KBTBD4: variants seen among roughly 807,000 people sequenced by gnomAD.
KBTBD4 encodes kelch repeat and BTB domain containing 4.
A neutral mutation model predicts 43.9 loss-of-function variants in KBTBD4; 30 were observed. The ratio of observed to expected loss-of-function variants is 0.68; its 90% confidence interval spans 0.51 to 0.93. The LOEUF (loss-of-function observed/expected upper bound fraction) is 0.93, where lower values mean the gene tolerates loss of function less well. Among genes scored for constraint, KBTBD4 ranks in the 40% least tolerant of loss-of-function variants. The pLI is 0.00. For synonymous variants in KBTBD4, 258 were observed against 256.9 expected (o/e 1.00, Z -0.04); for missense variants, 575 against 668.8 (o/e 0.86, Z 1.55).
chr11:47,578,748 C>T (rs866691738), intron 1 of KBTBD4, 185 bp downstream of exon 1: 1 of 1,484,376 alleles, frequency 6.7e-7, no homozygotes, highest in South Asian at 1.3e-5. Context: ...CGCCCGCCCT[C>T]GTCAAAAGCT....
In KBTBD4 at chr11:47,572,328, A is replaced by C. The variant is rs1204974890; in HGVS notation, c.*602T>G. On this transcript the variant is annotated 3_prime_UTR_variant, in exon 4 of 4. Transcript: ENST00000430070. The stretch of plus-strand genomic sequence containing the variant: ...CTATTAATCAGAAATAATCATTTCT[A>C]TTTTCTGGCTTACCCCTTGGAATAA... 6.5e-6 allele frequency: 1 copy of C among 152,934 alleles called. No individual in the cohort carries two copies. Among genetic ancestry groups the C allele is most frequent in the Admixed American group, 6.5e-5 (1 of 15,304 alleles). 9.5% of individuals were successfully genotyped at this position (152,934 alleles called of 1,614,324 possible). A position where few individuals can be genotyped will look rare whatever the true frequency, so the allele number is the denominator to read the frequency against.
chr11:47,577,620 A>C lies in KBTBD4; in HGVS notation c.428T>G (p.Leu143Arg), dbSNP rs1297961008. The C allele has an allele frequency of 1.2e-6, 2 of 1,614,100 alleles. No individual in the cohort carries two copies. The highest frequency in any genetic ancestry group is 3.3e-5 in the Admixed American group (2 of 60,004). ...AGAGCATTCCTCAAAGAGAGATGTC[A>C]GCTGATACATGTCTGACACCTCATA... ...EIYEVSDMYQLTSLFEECSRF... is the reference protein window; with the variant it reads ...EIYEVSDMYQRTSLFEECSRF... The change falls in exon 2 of 4, where the codon CTG becomes CGG. Residue 143 changes from leucine to arginine, a missense_variant. Coordinates refer to ENST00000430070, the MANE Select transcript of KBTBD4 (RefSeq NM_018095.6).
rs773358143 is a variant in KBTBD4, at chr11:47,572,922, C to T, written c.*8G>A. ...GGAGTGAGCAGTTCTCCTCCCCTCC[C>T]CACAGCCTTAGGCCAACACAAACTG... On this transcript the variant is annotated 3_prime_UTR_variant, in exon 4 of 4. Transcript: ENST00000430070. The T allele has an allele frequency of 8.7e-6, 14 of 1,605,730 alleles. No homozygotes were observed. The highest frequency in any genetic ancestry group is 3.3e-4 in the Middle Eastern group (2 of 6,020).
At chr11:47,578,818 C>A in intron 1 of KBTBD4, 115 bp downstream of exon 1, 1 of 1,540,852 alleles carries the variant, frequency 6.5e-7, no homozygotes, top group Non-Finnish European at 8.8e-7. Flanking sequence ...GCCCCCTCCC[C>A]TCCTCTCACC....
intron 3 of KBTBD4, among the ~76,000 whole-genome samples, chr11:47,575,325 G>A (rs1029350654): frequency 3.3e-5 from 5 of 151,664 alleles, no homozygotes; most frequent in African/African-American, 9.7e-5. Flanking sequence ...TGGCTAACAC[G>A]ATGAAACCCT....
In KBTBD4 at chr11:47,575,685, A is replaced by G. The variant is rs2097257868; in HGVS notation, c.652T>C (p.Ser218Pro). The G allele has an allele frequency of 6.2e-7, 1 of 1,606,634 alleles. No homozygotes were observed. The highest frequency in any genetic ancestry group is 8.5e-7 in the Non-Finnish European group (1 of 1,176,372). ...TCTATTGCCTCTGTTGGGTTCTGAGAACACGGAACTCCATCTGTGAGAGCC... is the reference window on the plus strand; with the variant it reads ...TCTATTGCCTCTGTTGGGTTCTGAGGACACGGAACTCCATCTGTGAGAGCC... ...TDIISDGVPC[S>P]QNPTEAIEAW... The change falls in exon 3 of 4, where the codon TCT (serine) becomes CCT (proline). Residue 218 changes from serine to proline, a missense_variant. By Grantham distance (74) the Ser-to-Pro change is moderately conservative (BLOSUM62 -1). Coordinates refer to ENST00000430070, the MANE Select transcript of KBTBD4 (RefSeq NM_018095.6).
rs2097254635 is a variant in KBTBD4, at chr11:47,573,919, T to C, written c.745-129A>G. ...TTATCATACTACTCTCTAATTACTG[T>C]ATGGCATCCAACTCTCCTCTAGTCA... is the stretch of plus-strand genomic sequence containing the variant. On this transcript the variant is annotated intron_variant, in intron 3 of 3. Coordinates refer to ENST00000430070, the MANE Select transcript of KBTBD4 (RefSeq NM_018095.6). This position sits in a 1 kb window ranked among gnomAD's most constrained non-coding sequence, Gnocchi z 4.1. The C allele has an allele frequency of 1.2e-6, 1 of 834,874 alleles. No individual in the cohort carries two copies. The highest frequency in any genetic ancestry group is 1.9e-6 in the Non-Finnish European group (1 of 540,412). 51.7% of individuals were successfully genotyped at this position (834,874 alleles called of 1,614,324 possible).
At chr11:47,577,362 A>T (rs1598797260) in intron 2 of KBTBD4, 49 bp downstream of exon 2, 1 of 1,525,906 alleles carries the variant, frequency 6.6e-7, no homozygotes, top group East Asian at 2.3e-5. Flanking sequence ...CATTCACTGA[A>T]CATCATAGCC....
At position 47,575,668 on chromosome 11, in the gene KBTBD4, C is replaced by G. The variant is rs770900802; in HGVS notation, c.669G>C (p.Glu223Asp). Residue 223 changes from glutamate (E) to aspartate (D), a missense_variant, in exon 3 of 4, where the codon GAG (glutamate) becomes GAC (aspartate). Coordinates refer to ENST00000430070, the MANE Select transcript of KBTBD4 (RefSeq NM_018095.6). Reference protein sequence around the residue: ...DGVPCSQNPTEAIEAWINFNK... With the variant: ...DGVPCSQNPTDAIEAWINFNK... ...TAAAGTTGATCCAGGCTTCTATTGC[C>G]TCTGTTGGGTTCTGAGAACACGGAA... 39 of 1,613,116 alleles carry G rather than the reference C, an allele frequency of 2.4e-5. No individual in the cohort carries two copies. The South Asian group carries it at 3.5e-4, about 15-fold the overall frequency.
chr11:47,576,892 G>A (rs1178077102), intron 2 of KBTBD4, among the ~76,000 whole-genome samples: 1 of 151,920 alleles, frequency 6.6e-6, no homozygotes, highest in East Asian at 1.9e-4. Flanking sequence ...GGCCAGGGTG[G>A]TCTTGAACTC....
chr11:47,573,982 T>C lies in KBTBD4; in HGVS notation c.745-192A>G, dbSNP rs2097254758. ...CAATTTATGCCGGGCGGAGAATCTG[T>C]TGTATTCATCCTTGTAGCTTTTAAA... On this transcript the variant is annotated intron_variant, in intron 3 of 3. Coordinates refer to ENST00000430070, the MANE Select transcript of KBTBD4 (RefSeq NM_018095.6). The surrounding 1 kb of genome is among the most constrained non-coding windows in gnomAD (Gnocchi z 4.1). 6.6e-6 allele frequency among the ~76,000 whole-genome samples: 1 copy of C among 152,114 alleles called. No homozygotes were observed. Among genetic ancestry groups the C allele is most frequent in the South Asian group, 2.1e-4 (1 of 4,826 alleles).
intron 1 of KBTBD4, chr11:47,578,644 C>A (rs1328184159): frequency 3.7e-6 from 3 of 800,872 alleles, no homozygotes; most frequent in African/African-American, 3.4e-5. Context: ...CAGGCCGGGG[C>A]ACTGGGAGGC....
intron 1 of KBTBD4, chr11:47,578,578 C>T (rs1175253658): frequency 2.8e-6 from 2 of 705,238 alleles, no homozygotes; most frequent in South Asian, 1.5e-5. Context: ...CACACTTCCC[C>T]GCTCGCTCGA....
chr11:47,577,119 T>TA (rs2097261120), intron 2 of KBTBD4, among the ~76,000 whole-genome samples: 1 of 152,214 alleles, frequency 6.6e-6, no homozygotes, highest in African/African-American at 2.4e-5. Context: ...CACTGGGACA[T>TA]ACGAAGTACA....
chr11:47,578,366 C>T, intron 1 of KBTBD4: 2 of 560,360 alleles, frequency 3.6e-6, no homozygotes, highest in South Asian at 2.4e-5. Flanking sequence ...GGCCTGTGAT[C>T]GTAAAAGCCT....
chr11:47,573,517 C>T lies in KBTBD4; in HGVS notation c.1018G>A (p.Val340Met). The T allele has an allele frequency of 6.2e-7, 1 of 1,614,164 alleles. No homozygotes were observed. Residue 340 changes from valine (V) to methionine (M), a missense_variant, in exon 4 of 4, where the codon GTG becomes ATG. Val to Met is a conservative substitution (Grantham distance 21, BLOSUM62 1). Transcript: ENST00000430070. The surrounding 1 kb of genome is among the most constrained non-coding windows in gnomAD (Gnocchi z 4.1). The stretch of plus-strand genomic sequence containing the variant: ...ATGGCATCTTTCCCGGGCACAGACA[C>T]CAGGGTGTGCTGGAGCCGGTCCCGA... ...LPRDRLQHTL[V>M]SVPGKDAIYS...
intron 1 of KBTBD4, chr11:47,578,432 G>C: frequency 1.8e-6 from 1 of 567,782 alleles, no homozygotes. Context: ...AGTAGAATCA[G>C]ACAAAAAGGA....
chr11:47,574,479 G>A (rs768228598), intron 3 of KBTBD4, among the ~76,000 whole-genome samples: 2 of 151,656 alleles, frequency 1.3e-5, no homozygotes, highest in Admixed American at 6.6e-5. Context: ...CCTGGGAGAC[G>A]GAGTAAGACT....
Position 47,577,906 on chromosome 11 carries a change from G to C in KBTBD4, c.142C>G (p.Gln48Glu), listed in dbSNP as rs763081469. Residue 48 changes from glutamine to glutamate, a missense_variant, in exon 2 of 4, where the codon CAA becomes GAA. Coordinates refer to ENST00000430070, the MANE Select transcript of KBTBD4 (RefSeq NM_018095.6). ...TCTAGACACAGTTTCATGATGCCTT[G>C]AGCCACACGGCCTGAATGTGACCGA... ...KDRSHSGRVA[Q>E]GIMKLCLEEE... 1 of 1,614,182 alleles carries C rather than the reference G, an allele frequency of 6.2e-7. No individual in the cohort carries two copies. Among genetic ancestry groups the C allele is most frequent in the Non-Finnish European group, 8.5e-7 (1 of 1,180,040 alleles).
Sources: allele counts gnomAD v4.1 joint callset (sites outside exome capture counted in the v4.1 genomes callset), GRCh38; gene constraint gnomAD v4.1.1; non-coding constraint Gnocchi (gnomAD v3.1); transcripts MANE v1.5; gene names NCBI Gene and HGNC (gene_info 2026-07-23, HGNC 2026-07-21).